Variants in EPB41 observed in about 807,000 individuals in gnomAD.
EPB41 encodes protein 4.1.
A neutral mutation model predicts 108.0 loss-of-function variants in EPB41; 65 were observed. The ratio of observed to expected loss-of-function variants is 0.60; its 90% CI spans 0.49 to 0.74. The LOEUF (loss-of-function observed/expected upper bound fraction) is 0.74, where lower values mean the gene tolerates loss of function less well. EPB41 is among the 30% of genes least tolerant of loss of function. EPB41 has a pLI of 0.00. For synonymous variants in EPB41, 336 were observed against 358.9 expected, an observed-to-expected ratio of 0.94 and a Z score of 0.72; for missense variants, 875 against 1,037.0, an observed-to-expected ratio of 0.84 and a Z score of 2.15.
intron 4 of EPB41, among the ~76,000 whole-genome samples, chr1:29,005,263 T>G (rs2096379677): frequency 6.6e-6 from 1 of 152,010 alleles, no homozygotes; most frequent in South Asian, 2.1e-4. Flanking sequence ...GCTATGTACT[T>G]TGAAACAACC....
chr1:29,046,433 AATTTATT>A (rs1266003235), intron 11 of EPB41, among the ~76,000 whole-genome samples: 1 of 152,094 alleles, frequency 6.6e-6, no homozygotes, highest in Non-Finnish European at 1.5e-5. Flanking sequence ...AGCCCTAAAA[AATTTATT>A]ATTAATTTTA....
At chr1:28,932,946 T>C (rs1187293770) in intron 1 of EPB41, among the ~76,000 whole-genome samples, 4 of 152,192 alleles carry the variant, frequency 2.6e-5, no homozygotes, top group Non-Finnish European at 5.9e-5. Flanking sequence ...CAAAGACACG[T>C]ATAGACATTT....
chr1:28,982,225 C>T (rs1219499334), intron 1 of EPB41: 5 of 413,868 alleles, frequency 1.2e-5, no homozygotes, highest in Non-Finnish European at 2.3e-5. Context: ...GACATGAACT[C>T]ATCATTTTTT....
chr1:28,899,343 C>T (rs147219957), intron 1 of EPB41, among the ~76,000 whole-genome samples: 26 of 152,308 alleles, frequency 1.7e-4, no homozygotes, highest in Non-Finnish European at 3.1e-4. Flanking sequence ...GATCTAGGGA[C>T]TTGGAATATC....
chr1:29,064,438 CA>C (rs1647010410), intron 15 of EPB41, among the ~76,000 whole-genome samples: 1 of 152,120 alleles, frequency 6.6e-6, no homozygotes, highest in South Asian at 2.1e-4. Context: ...CAGAAACAGC[CA>C]CCTAGTAATA....
At chr1:28,911,164 G>A (rs1233004689), upstream of EPB41, 7 of 985,420 alleles carry the variant, frequency 7.1e-6, no homozygotes, top group East Asian at 6.8e-4. Flanking sequence ...ATCTTCCTAT[G>A]TGATAGGCCT....
At chr1:28,941,894 CA>C (rs58524634) in intron 1 of EPB41, among the ~76,000 whole-genome samples, 1,155 of 64,866 alleles carry the variant, frequency 0.018, 2 homozygotes, top group African/African-American at 0.052. Flanking sequence ...AGCTCTGTCT[CA>C]AAAAAAAAAA....
At chr1:28,948,352 CA>C (rs1029194948) in intron 1 of EPB41, among the ~76,000 whole-genome samples, 1 of 151,030 alleles carries the variant, frequency 6.6e-6, no homozygotes, top group African/African-American at 2.4e-5. Flanking sequence ...ATACAAAAAA[CA>C]AAAAAATTAG....
At chr1:29,078,927 T>C (rs1655227362) in intron 16 of EPB41, among the ~76,000 whole-genome samples, 1 of 152,174 alleles carries the variant, frequency 6.6e-6, no homozygotes, top group Non-Finnish European at 1.5e-5. Flanking sequence ...GAAACCACAA[T>C]TCCCAAATTC....
In EPB41 at chr1:28,987,638, C is replaced by G; in HGVS notation, c.201C>G (p.Thr67=). 6.2e-7 allele frequency: 1 copy of G among 1,614,168 alleles called. No homozygotes were observed. The highest frequency in any genetic ancestry group is 8.5e-7 in the Non-Finnish European group (1 of 1,180,036). ...ACACTCCTACACATGAAGACTTGAC[C>G]AAGAACAAGGAGCGGACATCAGAAA... ...NGDTPTHEDL[T]KNKERTSESR... Residue 67 remains threonine (T), a synonymous_variant, in exon 2 of 21, where the codon ACC becomes ACG. Transcript: ENST00000343067.
chr1:28,958,110 C>T (rs1236597400), intron 1 of EPB41, among the ~76,000 whole-genome samples: 1 of 151,940 alleles, frequency 6.6e-6, no homozygotes, highest in Non-Finnish European at 1.5e-5. Flanking sequence ...GCCACTGCAC[C>T]CTACTTTTAT....
chr1:29,042,251 G>C (rs564174572), intron 11 of EPB41, among the ~76,000 whole-genome samples: 142 of 152,246 alleles, frequency 9.3e-4, no homozygotes, highest in Non-Finnish European at 1.1e-3. Context: ...AATGAGCTAG[G>C]TGCAAGAGAT....
At chr1:28,921,119 A>G (rs1281940312) in intron 1 of EPB41, among the ~76,000 whole-genome samples, 3 of 152,202 alleles carry the variant, frequency 2.0e-5, no homozygotes, top group Admixed American at 6.5e-5. Flanking sequence ...CCATACGTGT[A>G]ATAGAAATGT....
intron 1 of EPB41, among the ~76,000 whole-genome samples, chr1:28,953,501 C>G (rs1307480708): frequency 6.6e-6 from 1 of 152,248 alleles, no homozygotes; most frequent in East Asian, 1.9e-4. Context: ...CTTGCCTAAT[C>G]TGGACACATT....
At chr1:28,946,418 A>G (rs1354742905) in intron 1 of EPB41, among the ~76,000 whole-genome samples, 2 of 152,166 alleles carry the variant, frequency 1.3e-5, no homozygotes, top group African/African-American at 4.8e-5. Flanking sequence ...ACTCTTTTTC[A>G]AAAAAAGAAT....
At chr1:29,056,612 G>C (rs1441089884) in intron 12 of EPB41, among the ~76,000 whole-genome samples, 4 of 151,938 alleles carry the variant, frequency 2.6e-5, no homozygotes, top group African/African-American at 9.7e-5. Flanking sequence ...TGCAACCTCC[G>C]CCTCTCAGGT....
At chr1:29,017,874 T>A (rs969076029) in intron 6 of EPB41, among the ~76,000 whole-genome samples, 1 of 152,164 alleles carries the variant, frequency 6.6e-6, no homozygotes, top group Non-Finnish European at 1.5e-5. Flanking sequence ...ATAATTTATA[T>A]ATCTGTGGTA....
At chr1:28,948,510 A>G (rs1358317246) in intron 1 of EPB41, among the ~76,000 whole-genome samples, 1 of 149,980 alleles carries the variant, frequency 6.7e-6, no homozygotes, top group Non-Finnish European at 1.5e-5. Context: ...CGTATCAAAA[A>G]AAAAAAAAAA....
chr1:28,997,096 G>A (rs1455990909), intron 3 of EPB41, 119 bp from the exon 4 acceptor site: 1 of 764,878 alleles, frequency 1.3e-6, no homozygotes, highest in African/African-American at 1.7e-5. Context: ...AGGCTGCAGT[G>A]AGCTATGATC....
Sources: gnomAD v4.1 joint callset for allele counts (sites outside exome capture counted in the v4.1 genomes callset) on GRCh38, gnomAD v4.1.1 for gene constraint, MANE v1.5 for transcripts, NCBI Gene and HGNC (gene_info 2026-07-23, HGNC 2026-07-21) for gene names.